The following CORO2A variants were observed in gnomAD, a reference collection of about 807,000 sequenced individuals.
CORO2A encodes the protein coronin-2A.
Under a neutral mutation model 62.4 loss-of-function variants are expected in CORO2A, and 47 were observed. That is an observed-to-expected ratio of 0.75 (90% CI 0.60 to 0.96). The LOEUF (loss-of-function observed/expected upper bound fraction) is 0.96, where lower values mean the gene tolerates loss of function less well. Among genes scored for constraint, CORO2A ranks in the 40% least tolerant of loss-of-function variants. CORO2A has a pLI of 0.00. For synonymous variants in CORO2A, 273 were observed against 268.9 expected (o/e 1.02, Z -0.15); for missense variants, 610 against 684.1 (o/e 0.89, Z 1.21).
chr9:98,188,825 CAAAA>C (rs774619356), intron 1 of CORO2A, among the ~76,000 whole-genome samples: 3 of 152,116 alleles, frequency 2.0e-5, no homozygotes, highest in East Asian at 1.9e-4. Flanking sequence ...AAGAAACAAA[CAAAA>C]AAACTAGTAC....
intron 1 of CORO2A, among the ~76,000 whole-genome samples, chr9:98,182,948 C>T (rs1276470015): frequency 6.6e-6 from 1 of 152,250 alleles, no homozygotes; most frequent in Non-Finnish European, 1.5e-5. Flanking sequence ...GAATGAAATA[C>T]CGCAGTAGCT....
chr9:98,188,489 G>A (rs1828265348), intron 1 of CORO2A, among the ~76,000 whole-genome samples: 1 of 152,164 alleles, frequency 6.6e-6, no homozygotes, highest in South Asian at 2.1e-4. Flanking sequence ...TACAGGTCAG[G>A]TGTGTTGGCT....
chr9:98,178,512 G>A (rs911203999), intron 1 of CORO2A, among the ~76,000 whole-genome samples: 1 of 152,154 alleles, frequency 6.6e-6, no homozygotes, highest in Non-Finnish European at 1.5e-5. Context: ...TAATTAGTCT[G>A]GATTAACCTG....
intron 4 of CORO2A, among the ~76,000 whole-genome samples, chr9:98,133,556 ATGT>A (rs1827441313): frequency 6.6e-6 from 1 of 152,182 alleles, no homozygotes; most frequent in South Asian, 2.1e-4. Flanking sequence ...ACAGGGCTGT[ATGT>A]TTAGCTGCAC....
At chr9:98,131,112 G>C (rs1375287028) in intron 6 of CORO2A, 53 bp from the exon 7 acceptor site, 1 of 1,234,422 alleles carries the variant, frequency 8.1e-7, no homozygotes, top group Non-Finnish European at 1.2e-6. Context: ...GGGGCCCTCA[G>C]TGGTGCTCCC....
chr9:98,180,174 T>C (rs1274924682), intron 1 of CORO2A, among the ~76,000 whole-genome samples: 1 of 152,114 alleles, frequency 6.6e-6, no homozygotes, highest in African/African-American at 2.4e-5. Context: ...GTCTGGCAAA[T>C]ACCTTATACT....
chr9:98,167,916 C>T (rs1827982835), intron 1 of CORO2A, among the ~76,000 whole-genome samples: 1 of 152,132 alleles, frequency 6.6e-6, no homozygotes, highest in Non-Finnish European at 1.5e-5. Flanking sequence ...GGTGAGGGTA[C>T]AAGAGGATTC....
intron 2 of CORO2A, among the ~76,000 whole-genome samples, chr9:98,150,273 A>C (rs536276891): frequency 6.6e-6 from 1 of 152,006 alleles, no homozygotes; most frequent in African/African-American, 2.4e-5. Flanking sequence ...CACTGGACTC[A>C]GGATAGAGCC....
chr9:98,155,294 C>A (rs1016287053), intron 2 of CORO2A, among the ~76,000 whole-genome samples: 5 of 150,528 alleles, frequency 3.3e-5, no homozygotes, highest in African/African-American at 1.2e-4. Flanking sequence ...CACTCTATAG[C>A]TCGCCTTTCC....
intron 2 of CORO2A, among the ~76,000 whole-genome samples, chr9:98,143,941 C>T (rs111407487): frequency 4.9e-4 from 74 of 152,294 alleles, no homozygotes; most frequent in Middle Eastern, 3.4e-3. Context: ...GGCACAGTGG[C>T]TCATGTCTGT....
intron 1 of CORO2A, among the ~76,000 whole-genome samples, chr9:98,174,149 A>C (rs556934599): frequency 8.6e-5 from 13 of 151,270 alleles, no homozygotes; most frequent in Admixed American, 4.6e-4. Flanking sequence ...CAAAAAAAAA[A>C]AACCAAAGAG....
chr9:98,157,172 C>A (rs1827816351), intron 2 of CORO2A, among the ~76,000 whole-genome samples: 1 of 152,052 alleles, frequency 6.6e-6, no homozygotes, highest in Non-Finnish European at 1.5e-5. Flanking sequence ...CCCAGTAAAG[C>A]ATTAAAAAAT....
chr9:98,126,651 C>A lies in CORO2A; in HGVS notation c.1344G>T (p.Lys448Asn), dbSNP rs1237795918. Residue 448 changes from lysine to asparagine, a missense_variant, in exon 11 of 12, where the codon AAG (lysine) becomes AAT (asparagine). Transcript: ENST00000375077. ...GWRSSSLLEEKMPRWAAEHRL... is the reference protein window; with the variant it reads ...GWRSSSLLEENMPRWAAEHRL... ...TGTGTTCTGCTGCCCACCTTGGCATCTTCTCCTCCAACAGGGAGGAAGACC... is the reference window on the plus strand; with the variant it reads ...TGTGTTCTGCTGCCCACCTTGGCATATTCTCCTCCAACAGGGAGGAAGACC... The A allele has an allele frequency of 6.2e-7, 1 of 1,614,236 alleles. No homozygotes were observed. The highest frequency in any genetic ancestry group is 2.2e-5 in the East Asian group (1 of 44,878).
At chr9:98,125,137 T>C (rs150896020) in intron 11 of CORO2A, among the ~76,000 whole-genome samples, 1 of 152,292 alleles carries the variant, frequency 6.6e-6, no homozygotes, top group Non-Finnish European at 1.5e-5. Flanking sequence ...CCATAGATCC[T>C]CCATGAAATA....
chr9:98,151,915 C>T (rs1827730444), intron 2 of CORO2A, among the ~76,000 whole-genome samples: 1 of 148,586 alleles, frequency 6.7e-6, no homozygotes. Flanking sequence ...CTCCCGGGTT[C>T]ACGCCATTCT....
intron 2 of CORO2A, among the ~76,000 whole-genome samples, chr9:98,153,552 G>A (rs1306339689): frequency 2.6e-5 from 4 of 151,886 alleles, no homozygotes; most frequent in East Asian, 1.9e-4. Context: ...GACTACAGGT[G>A]TGTACCACTG....
intron 2 of CORO2A, among the ~76,000 whole-genome samples, chr9:98,154,329 G>GTATATATATATATATATATATA (rs61422672): frequency 1.7e-4 from 15 of 88,948 alleles, no homozygotes; most frequent in African/African-American, 7.0e-4. Context: ...GTGTTTGTGT[G>GTATATATATATATATATATATA]TATATATATA....
intron 2 of CORO2A, among the ~76,000 whole-genome samples, chr9:98,153,756 A>G (rs1827762303): frequency 6.6e-6 from 1 of 151,864 alleles, no homozygotes; most frequent in African/African-American, 2.4e-5. Flanking sequence ...GTTAATCAGG[A>G]ATTAGTTCAG....
At chr9:98,152,190 C>T (rs1028846511) in intron 2 of CORO2A, among the ~76,000 whole-genome samples, 1 of 151,002 alleles carries the variant, frequency 6.6e-6, no homozygotes, top group South Asian at 2.1e-4. Flanking sequence ...AGTTAGAGGA[C>T]TATTCAGGCT....
Sources: allele counts gnomAD v4.1 joint callset (sites outside exome capture counted in the v4.1 genomes callset), GRCh38; gene constraint gnomAD v4.1.1; transcripts MANE v1.5; gene names NCBI Gene and HGNC (gene_info 2026-07-23, HGNC 2026-07-21).